The following DGKG variants were observed in gnomAD, a reference collection of about 807,000 sequenced individuals.
DGKG encodes DAG kinase gamma.
In DGKG, 78 loss-of-function variants were observed where a neutral mutation model predicts 105.3. The ratio of observed to expected loss-of-function variants is 0.74; its 90% confidence interval spans 0.62 to 0.89. The LOEUF is 0.89. DGKG is among the 40% of genes least tolerant of loss of function. The pLI, the probability that DGKG is intolerant of heterozygous loss-of-function variation, is 0.00. For synonymous variants in DGKG, 346 were observed against 367.1 expected, an observed-to-expected ratio of 0.94 and a Z score of 0.66; for missense variants, 958 against 1,020.1, an observed-to-expected ratio of 0.94 and a Z score of 0.83.
intron 1 of DGKG, among the ~76,000 whole-genome samples, chr3:186,338,724 T>C (rs1725948016): frequency 6.6e-6 from 1 of 152,200 alleles, no homozygotes; most frequent in African/African-American, 2.4e-5. Flanking sequence ...AAAGTCCTTA[T>C]TTCTACTATC....
chr3:186,176,024 A>G (rs1717060162), intron 22 of DGKG, among the ~76,000 whole-genome samples: 1 of 152,180 alleles, frequency 6.6e-6, no homozygotes, highest in Non-Finnish European at 1.5e-5. Flanking sequence ...AGCTCATTTG[A>G]AAGGACGCAA....
intron 19 of DGKG, among the ~76,000 whole-genome samples, chr3:186,245,906 A>G (rs1030406552): frequency 2.2e-5 from 3 of 138,526 alleles, no homozygotes; most frequent in Admixed American, 2.1e-4. Context: ...AAAACAAAAA[A>G]CAAACAAACA....
intron 17 of DGKG, among the ~76,000 whole-genome samples, chr3:186,254,915 C>T (rs535460138): frequency 1.4e-4 from 21 of 152,344 alleles, no homozygotes; most frequent in African/African-American, 4.3e-4. Flanking sequence ...CTCTGCCTTT[C>T]TCCCTAGCCT....
intron 20 of DGKG, among the ~76,000 whole-genome samples, chr3:186,239,142 G>A (rs1720557140): frequency 6.6e-6 from 1 of 152,176 alleles, no homozygotes; most frequent in Admixed American, 6.5e-5. Flanking sequence ...AATCAGCAAC[G>A]TGAATGATTC....
intron 5 of DGKG, among the ~76,000 whole-genome samples, chr3:186,292,226 G>T (rs1228948389): frequency 1.3e-5 from 2 of 152,138 alleles, no homozygotes; most frequent in South Asian, 2.1e-4. Flanking sequence ...TGTGTTACTT[G>T]TTCCCTTTCA....
intron 19 of DGKG, among the ~76,000 whole-genome samples, chr3:186,247,759 T>C (rs1465248012): frequency 1.3e-5 from 2 of 152,170 alleles, no homozygotes; most frequent in African/African-American, 2.4e-5. Flanking sequence ...TTCTGCAACA[T>C]AATATTAAAC....
At chr3:186,277,945 TAGTA>T (rs1436555991) in intron 9 of DGKG, among the ~76,000 whole-genome samples, 1 of 152,176 alleles carries the variant, frequency 6.6e-6, no homozygotes, top group African/African-American at 2.4e-5. Flanking sequence ...AAACCCCAAA[TAGTA>T]AGTGTTAAAA....
chr3:186,273,322 G>A (rs1046842292), intron 10 of DGKG, among the ~76,000 whole-genome samples: 1 of 149,800 alleles, frequency 6.7e-6, no homozygotes, highest in African/African-American at 2.4e-5. Context: ...ATAAAATGTG[G>A]GTAAGAGCTG....
chr3:186,295,638 T>TAAAAAAAAAAAAAAA lies in DGKG; in HGVS notation c.373+1768_373+1782dup, dbSNP rs34829528. Among the ~76,000 whole-genome samples, 59 of 84,504 alleles carry TAAAAAAAAAAAAAAA rather than the reference T, an allele frequency of 7.0e-4. 3 individuals are homozygous for TAAAAAAAAAAAAAAA. The highest frequency in any genetic ancestry group is 2.8e-3 in the African/African-American group (56 of 19,992). The allele number at this position is 84,504 out of a possible 152,430, so 55.4% of individuals were successfully genotyped here. ...TTTTCAATAAAATGATAATGCACAGTAAAAAAAAAAAAAAAAAAAAAAGGT... is the reference window on the plus strand; with the variant it reads ...TTTTCAATAAAATGATAATGCACAGTAAAAAAAAAAAAAAAAAAAAAAAAAAAAAAAAAAAAAGGT... On this transcript the variant is annotated intron_variant, in intron 5 of 24. Coordinates refer to ENST00000265022, the MANE Select transcript of DGKG (RefSeq NM_001346.3).
At chr3:186,349,497 A>T (rs1050791518) in intron 1 of DGKG, among the ~76,000 whole-genome samples, 3 of 152,108 alleles carry the variant, frequency 2.0e-5, no homozygotes, top group African/African-American at 7.2e-5. Context: ...ATCCTCTTAA[A>T]TCTCTATAAA....
At chr3:186,261,947 T>C (rs1284742007) in intron 14 of DGKG, 169 bp from the exon 15 acceptor site, 2 of 550,766 alleles carry the variant, frequency 3.6e-6, no homozygotes, top group African/African-American at 3.8e-5. Flanking sequence ...GCTAAGTGTC[T>C]CCAGTTTGAA....
intron 1 of DGKG, among the ~76,000 whole-genome samples, chr3:186,321,433 A>C (rs1195976894): frequency 2.0e-5 from 3 of 152,244 alleles, no homozygotes; most frequent in Non-Finnish European, 2.9e-5. Context: ...TTATGTCATA[A>C]GACTTTTCCT....
intron 5 of DGKG, among the ~76,000 whole-genome samples, chr3:186,293,818 C>T (rs946454173): frequency 6.6e-6 from 1 of 152,214 alleles, no homozygotes; most frequent in African/African-American, 2.4e-5. Context: ...TTGGCTCTTC[C>T]TTGCCGGCAG....
At chr3:186,340,652 T>A (rs989007048) in intron 1 of DGKG, among the ~76,000 whole-genome samples, 1 of 152,180 alleles carries the variant, frequency 6.6e-6, no homozygotes, top group South Asian at 2.1e-4. Context: ...AACTTTTAAA[T>A]ATATAAATAC....
At chr3:186,297,967 A>C (rs1334760990) in intron 4 of DGKG, 97 bp downstream of exon 4, 2 of 1,399,620 alleles carry the variant, frequency 1.4e-6, no homozygotes, top group South Asian at 1.4e-5. Context: ...TGGGGCAGTT[A>C]CTATGTTCAG....
At chr3:186,153,469 C>T (rs1366776384) in intron 24 of DGKG, among the ~76,000 whole-genome samples, 1 of 152,196 alleles carries the variant, frequency 6.6e-6, no homozygotes, top group Admixed American at 6.5e-5. Context: ...ACTGACAGCA[C>T]CTGGCCAAGT....
intron 13 of DGKG, among the ~76,000 whole-genome samples, chr3:186,267,397 A>G (rs1013982994): frequency 2.6e-5 from 4 of 152,224 alleles, no homozygotes; most frequent in African/African-American, 9.6e-5. Flanking sequence ...CTGAAAGCAC[A>G]AACCCAACAG....
chr3:186,224,193 TTA>T (rs1277400035), intron 20 of DGKG, among the ~76,000 whole-genome samples: 1 of 152,218 alleles, frequency 6.6e-6, no homozygotes, highest in Non-Finnish European at 1.5e-5. Context: ...TCCGCTTGGT[TTA>T]TGTGATAAGC....
chr3:186,161,124 G>C, intron 24 of DGKG: 1 of 988,568 alleles, frequency 1.0e-6, no homozygotes, highest in Non-Finnish European at 1.2e-6. Context: ...TGCTCTGCGA[G>C]GAATTTTCTC....
Sources: allele counts gnomAD v4.1 joint callset (sites outside exome capture counted in the v4.1 genomes callset), GRCh38; gene constraint gnomAD v4.1.1; transcripts MANE v1.5; gene names NCBI Gene and HGNC (gene_info 2026-07-23, HGNC 2026-07-21).